Variants in RAP1GAP2 observed in about 807,000 individuals in gnomAD.
RAP1GAP2 encodes RAP1 GTPase activating protein 2.
In RAP1GAP2, 27 loss-of-function variants were observed where a neutral mutation model predicts 95.0. The observed-to-expected ratio is 0.28, with a 90% CI of 0.21 to 0.39. RAP1GAP2 has a LOEUF of 0.39. RAP1GAP2 is among the 10% of genes least tolerant of loss of function. The pLI is 1.00. For missense variants in RAP1GAP2, 771 were observed against 970.0 expected (o/e 0.79, Z 2.72); for synonymous variants, 373 against 380.9 (o/e 0.98, Z 0.24).
intron 2 of RAP1GAP2, among the ~76,000 whole-genome samples, chr17:2,869,185 C>T (rs2072740827): frequency 6.6e-6 from 1 of 152,030 alleles, no homozygotes; most frequent in Admixed American, 6.5e-5. Context: ...TTAAGGGGTG[C>T]ACAAATATAG....
rs1320689646 is a variant in RAP1GAP2, at chr17:2,964,004, C to T, written c.428C>T (p.Thr143Ile). The change falls in exon 7 of 25, where the codon ACA (threonine) becomes ATA (isoleucine). Residue 143 changes from threonine (T) to isoleucine (I), a missense_variant. Transcript: ENST00000254695. ...GAAGAGGACAACCTCAGCCCCAACA[C>T]ATTTGGCTACAAGCTCGAGTGCAAG... ...EEEEDNLSPN[T>I]FGYKLECKGE... 1 of 1,612,518 alleles carries T rather than the reference C, an allele frequency of 6.2e-7. No individual in the cohort carries two copies. The highest frequency in any genetic ancestry group is 2.2e-5 in the East Asian group (1 of 44,782).
chr17:2,977,366 A>C (rs1001756657), intron 8 of RAP1GAP2, among the ~76,000 whole-genome samples: 7 of 152,212 alleles, frequency 4.6e-5, no homozygotes, highest in Non-Finnish European at 1.0e-4. Flanking sequence ...GTATCCTCCT[A>C]TAAAAACAGC....
At chr17:2,993,575 A>G (rs1294064801) in intron 12 of RAP1GAP2, among the ~76,000 whole-genome samples, 1 of 120,354 alleles carries the variant, frequency 8.3e-6, no homozygotes, top group African/African-American at 3.9e-5. Flanking sequence ...TCTGTCTAAA[A>G]AAAAAAAAAT....
At chr17:2,859,758 A>G (rs765235820) in intron 2 of RAP1GAP2, among the ~76,000 whole-genome samples, 9 of 151,890 alleles carry the variant, frequency 5.9e-5, no homozygotes, top group Admixed American at 6.6e-5. Context: ...TTTTTCTTAC[A>G]ATTTATTTAT....
At chr17:2,798,872 C>T (rs559583714) in intron 1 of RAP1GAP2, among the ~76,000 whole-genome samples, 9 of 152,270 alleles carry the variant, frequency 5.9e-5, no homozygotes, top group Admixed American at 1.3e-4. Flanking sequence ...GTAGGTGGTG[C>T]GGTGGGCGGG....
intron 2 of RAP1GAP2, among the ~76,000 whole-genome samples, chr17:2,803,451 G>C (rs1301965917): frequency 4.6e-5 from 7 of 152,246 alleles, no homozygotes; most frequent in African/African-American, 1.7e-4. Flanking sequence ...CCAGGAACTG[G>C]AAACCCGTTG....
At chr17:2,966,004 G>T (rs202063635) in intron 8 of RAP1GAP2, 2 of 245,720 alleles carry the variant, frequency 8.1e-6, no homozygotes, top group East Asian at 1.8e-4. Flanking sequence ...TCCTGGGAGA[G>T]GGTTCGCCAG....
chr17:2,851,704 A>G (rs553233775), intron 2 of RAP1GAP2, among the ~76,000 whole-genome samples: 1 of 152,296 alleles, frequency 6.6e-6, no homozygotes, highest in South Asian at 2.1e-4. Flanking sequence ...TGGAACCTGC[A>G]TGGTGGATTT....
At chr17:3,019,781 C>T (rs2046892786) in intron 18 of RAP1GAP2, among the ~76,000 whole-genome samples, 1 of 152,190 alleles carries the variant, frequency 6.6e-6, no homozygotes, top group South Asian at 2.1e-4. Context: ...TCCTGAGGTG[C>T]CATAACATGT....
Position 2,866,369 on chromosome 17 carries a change from T to C in RAP1GAP2, c.81-38915T>C, listed in dbSNP as rs2072612147. On this transcript the variant is annotated intron_variant, in intron 2 of 24. Transcript: ENST00000254695. This position sits in a 1 kb window ranked among gnomAD's most constrained non-coding sequence, Gnocchi z 4.0. ...CTGGGGAAAGAAGGGCAGGTCAGGCTGTGGGAGGCTTCCCTGCTCCCCGCC... is the reference window on the plus strand; with the variant it reads ...CTGGGGAAAGAAGGGCAGGTCAGGCCGTGGGAGGCTTCCCTGCTCCCCGCC... Among the ~76,000 whole-genome samples, 4 of 152,324 alleles carry C rather than the reference T, an allele frequency of 2.6e-5. No individual in the cohort carries two copies. In the South Asian group the frequency reaches 8.3e-4, roughly 32 times the overall value.
intron 3 of RAP1GAP2, among the ~76,000 whole-genome samples, chr17:2,944,177 A>G (rs986984626): frequency 6.6e-6 from 1 of 151,768 alleles, no homozygotes; most frequent in Non-Finnish European, 1.5e-5. Context: ...AAAAAAAAAA[A>G]AAAAAACCAA....
intron 2 of RAP1GAP2, among the ~76,000 whole-genome samples, chr17:2,848,578 G>T (rs571024689): frequency 2.6e-5 from 4 of 151,290 alleles, no homozygotes; most frequent in African/African-American, 9.7e-5. Flanking sequence ...GCAGTGGCAC[G>T]ATCTCAGCTC....
At chr17:2,939,636 C>T (rs1036227952) in intron 3 of RAP1GAP2, among the ~76,000 whole-genome samples, 1 of 152,228 alleles carries the variant, frequency 6.6e-6, no homozygotes, top group Admixed American at 6.5e-5. Flanking sequence ...GTGTCCCAGT[C>T]GTGCCTTCCG....
At chr17:2,960,372 C>A (rs928561922) in intron 4 of RAP1GAP2, among the ~76,000 whole-genome samples, 5 of 152,264 alleles carry the variant, frequency 3.3e-5, no homozygotes, top group African/African-American at 1.2e-4. Context: ...CCCAGTTTGC[C>A]AGCTGGGACA....
chr17:2,933,513 T>G (rs2043219245), intron 3 of RAP1GAP2, among the ~76,000 whole-genome samples: 1 of 152,236 alleles, frequency 6.6e-6, no homozygotes, highest in South Asian at 2.1e-4. Flanking sequence ...ACCTCCCTTT[T>G]CTCCCACTCT....
chr17:2,907,410 G>T (rs759877497), intron 3 of RAP1GAP2, among the ~76,000 whole-genome samples: 13 of 152,200 alleles, frequency 8.5e-5, no homozygotes, highest in Non-Finnish European at 1.3e-4. Flanking sequence ...TAGTAAACCA[G>T]ACATTGTGGT....
At chr17:2,830,918 T>A (rs1159734052) in intron 2 of RAP1GAP2, among the ~76,000 whole-genome samples, 1 of 142,342 alleles carries the variant, frequency 7.0e-6, no homozygotes, top group Non-Finnish European at 1.5e-5. Context: ...GATGAGCATA[T>A]CCTTTTCTTA....
intron 16 of RAP1GAP2, 48 bp downstream of exon 16, chr17:3,006,089 T>C: frequency 1.4e-6 from 2 of 1,389,470 alleles, no homozygotes; most frequent in South Asian, 1.2e-5. Flanking sequence ...CTGGGCCACC[T>C]GTTAGCCAGC....
At chr17:2,914,148 A>G (rs952157072) in intron 3 of RAP1GAP2, among the ~76,000 whole-genome samples, 2 of 152,158 alleles carry the variant, frequency 1.3e-5, no homozygotes, top group Non-Finnish European at 2.9e-5. Flanking sequence ...TGCTGGGATT[A>G]CAGGCGAGAG....
Sources: allele counts gnomAD v4.1 joint callset (sites outside exome capture counted in the v4.1 genomes callset), GRCh38; gene constraint gnomAD v4.1.1; non-coding constraint Gnocchi (gnomAD v3.1); transcripts MANE v1.5; gene names NCBI Gene and HGNC (gene_info 2026-07-23, HGNC 2026-07-21).